The following KIF6 variants were observed in gnomAD, a reference collection of about 807,000 sequenced individuals.
KIF6 encodes the protein kinesin-like protein KIF6.
A neutral mutation model predicts 112.7 loss-of-function variants in KIF6; 106 were observed. The observed-to-expected ratio is 0.94, with a 90% CI of 0.80 to 1.11. The LOEUF is 1.11. Ranked by LOEUF, KIF6 falls within the 50% of genes least tolerant of loss-of-function variation. The pLI is 0.00. For synonymous variants in KIF6, 339 were observed against 339.9 expected (o/e 1.00, Z 0.03); for missense variants, 929 against 964.0 (o/e 0.96, Z 0.48).
At chr6:39,711,672 T>C (rs570362153) in intron 3 of KIF6, among the ~76,000 whole-genome samples, 13 of 152,134 alleles carry the variant, frequency 8.5e-5, no homozygotes, top group East Asian at 1.9e-4. Context: ...TTCTAAGAGG[T>C]TATTAGAGGA....
At chr6:39,652,159 CTATTAGCT>C (rs1582372147) in intron 3 of KIF6, among the ~76,000 whole-genome samples, 1 of 152,178 alleles carries the variant, frequency 6.6e-6, no homozygotes, top group East Asian at 1.9e-4. Context: ...ACATATCCTA[CTATTAGCT>C]TATGGATAGT....
At chr6:39,476,235 C>T (rs1296618169) in intron 13 of KIF6, among the ~76,000 whole-genome samples, 1 of 151,286 alleles carries the variant, frequency 6.6e-6, no homozygotes, top group East Asian at 2.0e-4. Flanking sequence ...AAAGAAAAGT[C>T]ACTTCAAGTA....
chr6:39,347,325 G>A (rs956211920), intron 19 of KIF6, among the ~76,000 whole-genome samples: 4 of 152,148 alleles, frequency 2.6e-5, no homozygotes, highest in African/African-American at 9.7e-5. Flanking sequence ...GCCTGCCCCT[G>A]GGACCTAGCT....
intron 13 of KIF6, among the ~76,000 whole-genome samples, chr6:39,532,136 T>C (rs192529222): frequency 4.5e-4 from 69 of 152,320 alleles, no homozygotes; most frequent in Admixed American, 2.4e-3. Context: ...AGACGTGTAC[T>C]TCTGTAATCG....
At position 39,545,438 on chromosome 6, in the gene KIF6, T is replaced by A. The variant is rs1004824042; in HGVS notation, c.1287+145A>T. 1.7e-5 allele frequency: 10 copies of A among 588,886 alleles called. No individual in the cohort carries two copies. In the East Asian group the frequency reaches 1.7e-4, roughly 10 times the overall value. The allele number at this position is 588,886 out of a possible 1,614,324, so 36.5% of individuals were successfully genotyped here. A position where few individuals can be genotyped will look rare whatever the true frequency, so the allele number is the denominator to read the frequency against. The stretch of plus-strand genomic sequence containing the variant: ...AATCTCTGAAGAAACTCAGTGATAA[T>A]CATACTATTGATTCAAAGATCGTAC... On this transcript the variant is annotated intron_variant, in intron 11 of 22. Coordinates refer to ENST00000287152, the MANE Select transcript of KIF6 (RefSeq NM_145027.6).
chr6:39,360,314 C>A lies in KIF6; in HGVS notation c.2082+81G>T. 4 of 1,530,622 alleles carry A rather than the reference C, an allele frequency of 2.6e-6. No individual in the cohort carries two copies. The South Asian group carries it at 4.9e-5, about 19-fold the overall frequency. 94.8% of individuals were successfully genotyped at this position (1,530,622 alleles called of 1,614,324 possible). Reference sequence around the variant, plus strand: ...ACCATGGGGGCCTGTGGGTCAAAGCCCCCACTGTGTCTCTTGACAGCCCCA... The same window carrying A: ...ACCATGGGGGCCTGTGGGTCAAAGCACCCACTGTGTCTCTTGACAGCCCCA... On this transcript the variant is annotated intron_variant, in intron 18 of 22. Coordinates refer to ENST00000287152, the MANE Select transcript of KIF6 (RefSeq NM_145027.6).
intron 19 of KIF6, among the ~76,000 whole-genome samples, chr6:39,348,049 A>T (rs1307627853): frequency 6.6e-6 from 1 of 152,226 alleles, no homozygotes; most frequent in Non-Finnish European, 1.5e-5. Flanking sequence ...TTCTTCAGAG[A>T]ACAGTAACCA....
chr6:39,351,829 G>A lies in KIF6; in HGVS notation c.2181-5303C>T, dbSNP rs556664472. On this transcript the variant is annotated intron_variant, in intron 19 of 22. Coordinates refer to ENST00000287152, the MANE Select transcript of KIF6 (RefSeq NM_145027.6). ...TATTCTCATGGGGCAGATACACAAG[G>A]GCTCAGCACAGAGCCAGAGCAATGA... Among the ~76,000 whole-genome samples the A allele has an allele frequency of 9.8e-5, 15 of 152,300 alleles. No homozygotes were observed. In the East Asian group the frequency reaches 2.7e-3, roughly 27 times the overall value.
chr6:39,701,731 G>A (rs1788889393), intron 3 of KIF6, among the ~76,000 whole-genome samples: 1 of 152,224 alleles, frequency 6.6e-6, no homozygotes, highest in African/African-American at 2.4e-5. Context: ...AGCCACTGAA[G>A]GGTTCTGAGC....
At chr6:39,687,119 C>T (rs1787916831) in intron 3 of KIF6, among the ~76,000 whole-genome samples, 2 of 152,112 alleles carry the variant, frequency 1.3e-5, no homozygotes, top group Admixed American at 1.3e-4. Context: ...AGCGCCACAA[C>T]ACAAGCCCAA....
chr6:39,362,565 G>A, intron 16 of KIF6, 47 bp from the exon 17 acceptor site: 1 of 1,354,060 alleles, frequency 7.4e-7, no homozygotes, highest in South Asian at 1.2e-5. Context: ...AAGGGTAAAA[G>A]GAAGAGTGTG....
At chr6:39,639,475 A>G in intron 4 of KIF6, 135 bp downstream of exon 4, 2 of 695,322 alleles carry the variant, frequency 2.9e-6, no homozygotes. Context: ...CTTAAAGGTA[A>G]AGGCCAAAGT....
At chr6:39,491,436 C>T (rs1775477800) in intron 13 of KIF6, among the ~76,000 whole-genome samples, 1 of 152,108 alleles carries the variant, frequency 6.6e-6, no homozygotes, top group Non-Finnish European at 1.5e-5. Flanking sequence ...GCTAGCTAAT[C>T]CCTTCCCAAA....
At chr6:39,472,169 T>C (rs557319235) in intron 13 of KIF6, among the ~76,000 whole-genome samples, 1 of 152,284 alleles carries the variant, frequency 6.6e-6, no homozygotes, top group East Asian at 1.9e-4. Context: ...GTTTCTATCC[T>C]CAGCACCTCA....
chr6:39,622,514 G>T (rs1208387449), intron 5 of KIF6, among the ~76,000 whole-genome samples: 2 of 152,116 alleles, frequency 1.3e-5, no homozygotes, highest in Non-Finnish European at 2.9e-5. Context: ...TAGATGGAAT[G>T]AAATAAGGGC....
chr6:39,557,953 T>C (rs1779804336), intron 10 of KIF6, among the ~76,000 whole-genome samples: 1 of 151,520 alleles, frequency 6.6e-6, no homozygotes, highest in Non-Finnish European at 1.5e-5. Context: ...CCTTTTTTTT[T>C]TGCCCGTTAT....
chr6:39,581,114 A>ATCTGG (rs1781264456), intron 9 of KIF6, among the ~76,000 whole-genome samples: 1 of 148,566 alleles, frequency 6.7e-6, no homozygotes, highest in Non-Finnish European at 1.5e-5. Context: ...ACACCATAGG[A>ATCTGG]TCTGGTCTGT....
At chr6:39,380,770 C>T (rs1766866854) in intron 16 of KIF6, among the ~76,000 whole-genome samples, 1 of 152,166 alleles carries the variant, frequency 6.6e-6, no homozygotes, top group Non-Finnish European at 1.5e-5. Context: ...CACCGCAGCA[C>T]CTCGTCACAC....
At position 39,362,481 on chromosome 6, in the gene KIF6, G is replaced by A. The variant is rs1292349467; in HGVS notation, c.1899C>T (p.Asp633=). The A allele has an allele frequency of 6.2e-7, 1 of 1,614,144 alleles. No individual in the cohort carries two copies. The highest frequency in any genetic ancestry group is 1.1e-5 in the South Asian group (1 of 91,076). Residue 633 remains aspartate, a synonymous_variant, in exon 17 of 23, where the codon GAC becomes GAT. Transcript: ENST00000287152. The stretch of plus-strand genomic sequence containing the variant: ...GTGATCGCAGCTTCTCCTCCTGCTG[G>A]TCTGGCATCAGAGGCACGGCCATGT... The part of the protein sequence containing the change: ...SENMAVPLMP[D]QQEEKLRSQL...
Sources: allele counts gnomAD v4.1 joint callset (sites outside exome capture counted in the v4.1 genomes callset), GRCh38; gene constraint gnomAD v4.1.1; transcripts MANE v1.5; gene names NCBI Gene and HGNC (gene_info 2026-07-23, HGNC 2026-07-21).